PREX2: variants seen among roughly 807,000 people sequenced by gnomAD.
PREX2 encodes the protein phosphatidylinositol 3,4,5-trisphosphate-dependent Rac exchanger 2 protein.
A neutral mutation model predicts 203.2 loss-of-function variants in PREX2; 107 were observed. The observed-to-expected ratio is 0.53, with a 90% CI of 0.45 to 0.62. The LOEUF (loss-of-function observed/expected upper bound fraction) is 0.62. Among genes scored for constraint, PREX2 ranks in the 20% least tolerant of loss-of-function variants. The pLI, the probability that PREX2 is intolerant of heterozygous loss-of-function variation, is 0.00. For synonymous variants in PREX2, 672 were observed against 663.6 expected (o/e 1.01, Z -0.19); for missense variants, 1,777 against 1,955.9 (o/e 0.91, Z 1.72).
At chr8:68,023,390 A>C (rs1807624351) in intron 4 of PREX2, among the ~76,000 whole-genome samples, 1 of 152,290 alleles carries the variant, frequency 6.6e-6, no homozygotes, top group African/African-American at 2.4e-5. Flanking sequence ...TACATTAAGC[A>C]TGCTTTCATG....
At chr8:68,080,361 T>G in intron 15 of PREX2, 82 bp from the exon 16 acceptor site, 1 of 1,245,240 alleles carries the variant, frequency 8.0e-7, no homozygotes. Flanking sequence ...GTGCAGGTAT[T>G]AATTTGTAAA....
intron 23 of PREX2, chr8:68,106,304 A>C (rs777162940): frequency 2.0e-6 from 1 of 512,152 alleles, no homozygotes; most frequent in Admixed American, 2.0e-5. Context: ...AGTTTTTTGC[A>C]TCTAGCCTTA....
At chr8:67,959,321 G>T (rs539704672) in intron 1 of PREX2, among the ~76,000 whole-genome samples, 42 of 152,286 alleles carry the variant, frequency 2.8e-4, no homozygotes, top group Non-Finnish European at 4.3e-4. Context: ...TTTAGCTTCA[G>T]TAGAGCGTGT....
chr8:68,163,040 C>A (rs1487173044), intron 35 of PREX2, among the ~76,000 whole-genome samples: 3 of 152,086 alleles, frequency 2.0e-5, no homozygotes, highest in Admixed American at 1.3e-4. Flanking sequence ...TCTTTATTTA[C>A]CAAAGATTAC....
intron 22 of PREX2, among the ~76,000 whole-genome samples, chr8:68,097,991 G>T (rs768252): frequency 0.43 from 66,058 of 151,992 alleles, 14,566 homozygotes; most frequent in African/African-American, 0.5. Flanking sequence ...TGATATTTAT[G>T]TAATTCTCAT....
At chr8:68,218,527 T>C (rs1812889820) in intron 38 of PREX2, among the ~76,000 whole-genome samples, 1 of 152,250 alleles carries the variant, frequency 6.6e-6, no homozygotes, top group South Asian at 2.1e-4. Flanking sequence ...TTAACAAATT[T>C]CTCTACTTGC....
At position 68,141,252 on chromosome 8, in the gene PREX2, A is replaced by C. The variant is rs188210998; in HGVS notation, c.4087+2735A>C. ...CAGTTTAGGAGAATAATGTAATGAC[A>C]GCAGGTCTTCTCCTTTTCAATGGTC... On this transcript the variant is annotated intron_variant, in intron 33 of 39. Coordinates refer to ENST00000288368, the MANE Select transcript of PREX2 (RefSeq NM_024870.4). Among the ~76,000 whole-genome samples the C allele has an allele frequency of 9.4e-4, 143 of 152,336 alleles. 1 individual carries two copies. The highest frequency in any genetic ancestry group is 7.1e-3 in the Admixed American group (109 of 15,296).
intron 1 of PREX2, among the ~76,000 whole-genome samples, chr8:68,013,655 A>G (rs1224413301): frequency 6.6e-6 from 1 of 152,228 alleles, no homozygotes; most frequent in East Asian, 1.9e-4. Context: ...GGGTAAAAGG[A>G]AAATATTTAC....
chr8:67,971,093 G>T (rs560949210), intron 1 of PREX2, among the ~76,000 whole-genome samples: 3 of 152,190 alleles, frequency 2.0e-5, no homozygotes, highest in East Asian at 1.9e-4. Flanking sequence ...GGTGATAAAG[G>T]TAGCTTGGGG....
At chr8:68,113,964 C>T (rs1007173752) in intron 25 of PREX2, among the ~76,000 whole-genome samples, 14 of 152,044 alleles carry the variant, frequency 9.2e-5, no homozygotes, top group Non-Finnish European at 1.8e-4. Context: ...AGGGTTCAAG[C>T]GATTCTCCTG....
intron 23 of PREX2, chr8:68,105,606 T>C (rs1234092596): frequency 9.2e-7 from 1 of 1,084,264 alleles, no homozygotes; most frequent in Non-Finnish European, 1.1e-6. Flanking sequence ...GGCTTTTACG[T>C]GCATTATATA....
intron 1 of PREX2, among the ~76,000 whole-genome samples, chr8:67,962,771 T>A (rs1264427895): frequency 2.0e-5 from 3 of 151,604 alleles, no homozygotes; most frequent in African/African-American, 7.3e-5. Flanking sequence ...CACGCCTGGA[T>A]AATTTTTTGT....
intron 39 of PREX2, among the ~76,000 whole-genome samples, chr8:68,228,485 G>A (rs187924498): frequency 3.3e-5 from 5 of 152,070 alleles, no homozygotes; most frequent in East Asian, 3.9e-4. Context: ...AAAAATGGCC[G>A]GGTGCATAGG....
Position 68,027,342 on chromosome 8 carries a change from CATT to C in PREX2, c.543+20_543+22del, listed in dbSNP as rs1225747971. ...TTTGAAGGTATTTTATGTGCTACCT[CATT>C]GTAGCCATTTTCTTGTATCTACATA... is the stretch of plus-strand genomic sequence containing the variant. On this transcript the variant is annotated intron_variant, in intron 5 of 39. Transcript: ENST00000288368. 7.3e-7 allele frequency: 1 copy of C among 1,374,948 alleles called. No individual in the cohort carries two copies. The highest frequency in any genetic ancestry group is 1.0e-6 in the Non-Finnish European group (1 of 964,644). The allele number at this position is 1,374,948 out of a possible 1,614,324, so 85.2% of individuals were successfully genotyped here.
intron 35 of PREX2, among the ~76,000 whole-genome samples, chr8:68,166,778 G>A (rs1249326845): frequency 1.3e-5 from 2 of 151,942 alleles, no homozygotes; most frequent in South Asian, 2.1e-4. Flanking sequence ...GACCAGCTTG[G>A]GCAAATAGAG....
intron 35 of PREX2, among the ~76,000 whole-genome samples, chr8:68,172,391 C>A (rs369800841): frequency 2.7e-4 from 41 of 152,258 alleles, no homozygotes; most frequent in African/African-American, 9.4e-4. Flanking sequence ...CTGTCAAGTA[C>A]CAAGGACAGC....
intron 39 of PREX2, among the ~76,000 whole-genome samples, chr8:68,231,042 T>C (rs1303075708): frequency 6.6e-6 from 1 of 152,114 alleles, no homozygotes; most frequent in African/African-American, 2.4e-5. Flanking sequence ...ACCACAAGTG[T>C]GGTGAACAGC....
chr8:68,077,466 C>T lies in PREX2; in HGVS notation c.1639C>T (p.His547Tyr). 6.2e-7 allele frequency: 1 copy of T among 1,608,528 alleles called. No homozygotes were observed. The change falls in exon 15 of 40, where the codon CAT (histidine) becomes TAT (tyrosine). Residue 547 changes from histidine (H) to tyrosine (Y), a missense_variant. His to Tyr is a moderately conservative substitution (Grantham distance 83). Coordinates refer to ENST00000288368, the MANE Select transcript of PREX2 (RefSeq NM_024870.4). ...VGLCDNGFMH[H>Y]VLEKSEFKDE... ...ACTCTGTGACAATGGATTTATGCAC[C>T]ATGGTAGGGATTTTTTACCCTGGGA...
chr8:67,959,980 G>T (rs1360089583), intron 1 of PREX2, among the ~76,000 whole-genome samples: 1 of 152,092 alleles, frequency 6.6e-6, no homozygotes, highest in Non-Finnish European at 1.5e-5. Flanking sequence ...ATTCAAATCA[G>T]CTTCTGTAGG....
Sources: gnomAD v4.1 joint callset for allele counts (sites outside exome capture counted in the v4.1 genomes callset) on GRCh38, gnomAD v4.1.1 for gene constraint, MANE v1.5 for transcripts, NCBI Gene and HGNC (gene_info 2026-07-23, HGNC 2026-07-21) for gene names.